The following ARHGEF16 variants were observed in gnomAD, a reference collection of about 807,000 sequenced individuals.
The protein encoded by ARHGEF16 is Rho guanine nucleotide exchange factor 16, also known as Rho guanine exchange factor (GEF) 16.
In ARHGEF16, 59 loss-of-function variants were observed where a neutral mutation model predicts 74.1. The observed-to-expected ratio is 0.80, with a 90% CI of 0.65 to 0.99. The LOEUF is 0.99. Ranked by LOEUF, ARHGEF16 falls within the 50% of genes least tolerant of loss-of-function variation. The pLI, the probability that ARHGEF16 is intolerant of heterozygous loss-of-function variation, is 0.00. For synonymous variants in ARHGEF16, 415 were observed against 412.6 expected (o/e 1.01, Z -0.07); for missense variants, 948 against 986.6 (o/e 0.96, Z 0.52).
chr1:3,480,010 G>C, intron 14 of ARHGEF16, 97 bp downstream of exon 14: 1 of 1,202,270 alleles, frequency 8.3e-7, no homozygotes, highest in Non-Finnish European at 1.2e-6. Context: ...CCGGGCTGCA[G>C]GCTGACCATG....
At chr1:3,456,296 C>T (rs1453702051) in intron 1 of ARHGEF16, among the ~76,000 whole-genome samples, 1 of 152,242 alleles carries the variant, frequency 6.6e-6, no homozygotes. Context: ...ACATGTGACG[C>T]GCAGGTCCCC....
At chr1:3,458,170 G>A (rs1462084325) in intron 1 of ARHGEF16, among the ~76,000 whole-genome samples, 1 of 152,204 alleles carries the variant, frequency 6.6e-6, no homozygotes, top group African/African-American at 2.4e-5. Flanking sequence ...GCCCGACTGT[G>A]GGGACACGAA....
rs900197744 is a variant in ARHGEF16 at position 3,454,697 on chromosome 1, C to G, written c.-134C>G. ...CCGCGCAGGAAGCGGAGGAGGCGCCCCGGGCCGGACCGCGCTGCCGCAGGA... is the reference window on the plus strand; with the variant it reads ...CCGCGCAGGAAGCGGAGGAGGCGCCGCGGGCCGGACCGCGCTGCCGCAGGA... On this transcript the variant is annotated 5_prime_UTR_variant, in exon 1 of 15. Transcript: ENST00000378378. The G allele has an allele frequency of 6.6e-6, 1 of 152,002 alleles. No individual in the cohort carries two copies. Among genetic ancestry groups the G allele is most frequent in the Non-Finnish European group, 1.5e-5 (1 of 68,056 alleles). 9.4% of individuals were successfully genotyped at this position (152,002 alleles called of 1,614,324 possible). A position where few individuals can be genotyped will look rare whatever the true frequency, so the allele number is the denominator to read the frequency against.
At chr1:3,461,355 G>A (rs867801865) in intron 1 of ARHGEF16, among the ~76,000 whole-genome samples, 15 of 152,332 alleles carry the variant, frequency 9.8e-5, no homozygotes, top group African/African-American at 3.6e-4. Context: ...CGCTTTGCAC[G>A]CTTTACACTT....
intron 1 of ARHGEF16, among the ~76,000 whole-genome samples, chr1:3,459,466 G>T (rs973434649): frequency 1.3e-5 from 2 of 152,194 alleles, no homozygotes; most frequent in African/African-American, 4.8e-5. Context: ...CCAAAAGATG[G>T]CTCCCATGTG....
rs1402117075 is a variant in ARHGEF16 at position 3,469,039 on chromosome 1, G to T, written c.861+103G>T. On this transcript the variant is annotated intron_variant, in intron 5 of 14. Coordinates refer to ENST00000378378, the MANE Select transcript of ARHGEF16 (RefSeq NM_014448.4). ...TGGCACCACCCAGCCATCCCTCTGCGGCCACCTCCAGTGCCAGGCCCTGTC... is the reference window on the plus strand; with the variant it reads ...TGGCACCACCCAGCCATCCCTCTGCTGCCACCTCCAGTGCCAGGCCCTGTC... 3.6e-6 allele frequency: 5 copies of T among 1,395,442 alleles called. No homozygotes were observed. In the Admixed American group the frequency reaches 5.9e-5, roughly 17 times the overall value. 86.4% of individuals were successfully genotyped at this position (1,395,442 alleles called of 1,614,324 possible).
chr1:3,463,588 A>G lies in ARHGEF16; in HGVS notation c.504A>G (p.Gly168=). 6.9e-7 allele frequency: 1 copy of G among 1,448,992 alleles called. No homozygotes were observed. Among genetic ancestry groups the G allele is most frequent in the Non-Finnish European group, 9.1e-7 (1 of 1,097,428 alleles). The allele number at this position is 1,448,992 out of a possible 1,614,324, so 89.8% of individuals were successfully genotyped here. The change falls in exon 2 of 15, where the codon GGA becomes GGG. Residue 168 remains glycine (G), a synonymous_variant. Transcript: ENST00000378378. Reference sequence around the variant, plus strand: ...GCCTGGGGAAGCCAGGTGGCCAGGGAGATGCCATCCAGCTAAGCCCTAAGC... The same window carrying G: ...GCCTGGGGAAGCCAGGTGGCCAGGGGGATGCCATCCAGCTAAGCCCTAAGC... The part of the protein sequence containing the change: ...MKGLGKPGGQ[G]DAIQLSPKLQ...
chr1:3,467,021 C>A, intron 3 of ARHGEF16, 147 bp from the exon 4 acceptor site: 1 of 817,742 alleles, frequency 1.2e-6, no homozygotes, highest in Non-Finnish European at 1.9e-6. Context: ...GACTGGTGCC[C>A]AGCCTGGGGC....
rs747328085 is a variant in ARHGEF16 at position 3,479,828 on chromosome 1, G to T, written c.1905G>T (p.Glu635Asp). The T allele has an allele frequency of 6.2e-7, 1 of 1,612,146 alleles. No homozygotes were observed. The highest frequency in any genetic ancestry group is 1.7e-5 in the Admixed American group (1 of 60,022). Reference sequence around the variant, plus strand: ...CCTATGCAGACCTGCCCCAGGTGGAGATCACCAAGGCCTTCTTCGCGAAGC... The same window carrying T: ...CCTATGCAGACCTGCCCCAGGTGGATATCACCAAGGCCTTCTTCGCGAAGC... ...LSSKGDLPQV[E>D]ITKAFFAKQA... The change falls in exon 14 of 15, where the codon GAG becomes GAT. Residue 635 changes from glutamate to aspartate, a missense_variant. Transcript: ENST00000378378.
chr1:3,464,103 G>A (rs886406745), intron 2 of ARHGEF16, among the ~76,000 whole-genome samples: 1 of 152,206 alleles, frequency 6.6e-6, no homozygotes, highest in African/African-American at 2.4e-5. Flanking sequence ...ACTGAAGCGG[G>A]GCAGCTGTGC....
intron 4 of ARHGEF16, 74 bp downstream of exon 4, chr1:3,467,411 C>T (rs986566022): frequency 2.1e-6 from 3 of 1,449,776 alleles, no homozygotes; most frequent in African/African-American, 1.4e-5. Context: ...GTTCCTTCCC[C>T]AAGCCCAGGC....
At chr1:3,467,126 G>C (rs1309062588) in intron 3 of ARHGEF16, 42 bp from the exon 4 acceptor site, 24 of 1,524,422 alleles carry the variant, frequency 1.6e-5, no homozygotes, top group East Asian at 2.5e-5. Flanking sequence ...GCAGCCTTTT[G>C]CAATCCCCCA....
At position 3,471,631 on chromosome 1, in the gene ARHGEF16, C is replaced by CCT. The variant is rs1368861271; in HGVS notation, c.1023-1446_1023-1445insTC. ...TTGTGTTCTCTGAGCTCTGTGTCCT[C>CCT]CGGTCCCCTCTGCCTCAGGCAGCTG... On this transcript the variant is annotated intron_variant, in intron 6 of 14. Coordinates refer to ENST00000378378, the MANE Select transcript of ARHGEF16 (RefSeq NM_014448.4). The CCT allele has an allele frequency of 3.4e-6, 4 of 1,186,150 alleles. No homozygotes were observed. The African/African-American group carries it at 6.6e-5, about 20-fold the overall frequency. The allele number at this position is 1,186,150 out of a possible 1,614,324, so 73.5% of individuals were successfully genotyped here.
At chr1:3,466,554 C>T (rs1318381840) in intron 3 of ARHGEF16, among the ~76,000 whole-genome samples, 14 of 152,172 alleles carry the variant, frequency 9.2e-5, no homozygotes, top group African/African-American at 4.8e-5. Flanking sequence ...GGGCTCTGCC[C>T]GGACTCTTCG....
chr1:3,473,061 C>T lies in ARHGEF16; in HGVS notation c.1023-17C>T, dbSNP rs747795834. On this transcript the variant is annotated splice_polypyrimidine_tract_variant and intron_variant, in intron 6 of 14. Transcript: ENST00000378378. The stretch of plus-strand genomic sequence containing the variant: ...CACCAGGCCCGTGGCACCCTCCTCA[C>T]CCCTCCTTGCCTTCAGGTTCTTCGA... 5.0e-6 allele frequency: 8 copies of T among 1,609,312 alleles called. No homozygotes were observed. In the South Asian group the frequency reaches 5.5e-5, roughly 11 times the overall value.
intron 10 of ARHGEF16, 92 bp downstream of exon 10, chr1:3,476,154 G>C (rs1003162476): frequency 3.6e-5 from 49 of 1,359,474 alleles, no homozygotes; most frequent in Non-Finnish European, 4.5e-5. Flanking sequence ...CTGAGCCTGA[G>C]GGCTGGAGAG....
At chr1:3,479,021 G>C (rs1157430939) in intron 12 of ARHGEF16, among the ~76,000 whole-genome samples, 1 of 152,220 alleles carries the variant, frequency 6.6e-6, no homozygotes, top group East Asian at 1.9e-4. Flanking sequence ...GTGATGCTGG[G>C]GTGCAGCGAC....
chr1:3,460,184 G>T (rs187621748), intron 1 of ARHGEF16, among the ~76,000 whole-genome samples: 63 of 152,316 alleles, frequency 4.1e-4, no homozygotes, highest in African/African-American at 1.4e-3. Context: ...CGGCTGCCTC[G>T]CTGGGAGCGG....
intron 2 of ARHGEF16, among the ~76,000 whole-genome samples, chr1:3,465,367 G>T (rs1332490237): frequency 1.3e-5 from 2 of 152,116 alleles, no homozygotes; most frequent in Non-Finnish European, 2.9e-5. Context: ...AGGAAGGAGG[G>T]TTAGCGCAGA....
Sources: gnomAD v4.1 joint callset for allele counts (sites outside exome capture counted in the v4.1 genomes callset) on GRCh38, gnomAD v4.1.1 for gene constraint, MANE v1.5 for transcripts, NCBI Gene and HGNC (gene_info 2026-07-23, HGNC 2026-07-21) for gene names.